KLHL1: variants seen among roughly 807,000 people sequenced by gnomAD.
KLHL1 encodes kelch-like protein 1.
A neutral mutation model predicts 77.7 loss-of-function variants in KLHL1; 47 were observed. That is an observed-to-expected ratio of 0.60 (90% confidence interval 0.48 to 0.77). The LOEUF (loss-of-function observed/expected upper bound fraction) is 0.77. KLHL1 is among the 30% of genes least tolerant of loss of function. KLHL1 has a pLI of 0.00. For synonymous variants in KLHL1, 360 were observed against 325.2 expected (o/e 1.11, Z -1.15); for missense variants, 925 against 910.8 (o/e 1.02, Z -0.20).
chr13:69,726,481 A>G (rs1296517108), intron 8 of KLHL1, among the ~76,000 whole-genome samples: 7 of 152,090 alleles, frequency 4.6e-5, no homozygotes. Context: ...CTAAGCTACA[A>G]CAATACATTG....
At chr13:70,103,173 G>T (rs1470002434) in intron 1 of KLHL1, among the ~76,000 whole-genome samples, 1 of 152,174 alleles carries the variant, frequency 6.6e-6, no homozygotes, top group Non-Finnish European at 1.5e-5. Flanking sequence ...CAGGAAGGGA[G>T]CAGTTAAGGA....
chr13:69,734,033 A>C (rs1285015362), intron 8 of KLHL1, among the ~76,000 whole-genome samples: 1 of 152,070 alleles, frequency 6.6e-6, no homozygotes, highest in Admixed American at 6.6e-5. Context: ...GTGTGTCTCC[A>C]CCCAAATCTC....
intron 4 of KLHL1, among the ~76,000 whole-genome samples, chr13:69,884,753 C>T (rs1881132535): frequency 6.6e-6 from 1 of 152,004 alleles, no homozygotes; most frequent in Non-Finnish European, 1.5e-5. Flanking sequence ...AATTGGTTTG[C>T]TTTTATCATG....
At chr13:69,876,837 A>G (rs1206994822) in intron 5 of KLHL1, among the ~76,000 whole-genome samples, 3 of 152,168 alleles carry the variant, frequency 2.0e-5, no homozygotes, top group Non-Finnish European at 2.9e-5. Context: ...CAGGAGTTCA[A>G]GACTAGCCTG....
intron 1 of KLHL1, among the ~76,000 whole-genome samples, chr13:70,105,646 AAG>A (rs1273949245): frequency 1.3e-5 from 2 of 151,278 alleles, no homozygotes; most frequent in Non-Finnish European, 3.0e-5. Flanking sequence ...TCCTCCCAAA[AAG>A]TGTTTATATT....
At chr13:70,008,589 T>C (rs1187690923) in intron 1 of KLHL1, among the ~76,000 whole-genome samples, 1 of 152,106 alleles carries the variant, frequency 6.6e-6, no homozygotes, top group Non-Finnish European at 1.5e-5. Flanking sequence ...ATCTCTCCTA[T>C]ATTTCCTATA....
chr13:69,849,956 G>A (rs1879619174), intron 5 of KLHL1, among the ~76,000 whole-genome samples: 1 of 151,380 alleles, frequency 6.6e-6, no homozygotes, highest in Non-Finnish European at 1.5e-5. Flanking sequence ...AATTATAAAT[G>A]TTTATGTCTA....
chr13:69,898,268 G>A (rs573630100), intron 4 of KLHL1, among the ~76,000 whole-genome samples: 1 of 152,288 alleles, frequency 6.6e-6, no homozygotes, highest in East Asian at 1.9e-4. Context: ...GAAATGTAGA[G>A]CCCTGCAAAC....
At chr13:69,710,621 C>T (rs2137878757) in intron 9 of KLHL1, among the ~76,000 whole-genome samples, 1 of 152,144 alleles carries the variant, frequency 6.6e-6, no homozygotes, top group Admixed American at 6.6e-5. Flanking sequence ...TTCAGGAACT[C>T]AGGGATTCAC....
At chr13:69,789,428 A>T (rs1161186903) in intron 7 of KLHL1, among the ~76,000 whole-genome samples, 1 of 152,132 alleles carries the variant, frequency 6.6e-6, no homozygotes, top group Non-Finnish European at 1.5e-5. Flanking sequence ...GAGTCGAGGA[A>T]TCTGAGATTA....
chr13:69,899,311 G>A (rs1881771868), intron 4 of KLHL1, among the ~76,000 whole-genome samples: 1 of 152,148 alleles, frequency 6.6e-6, no homozygotes, highest in South Asian at 2.1e-4. Flanking sequence ...AAATCAGTTA[G>A]TTCTGGAAGT....
In KLHL1 at chr13:70,060,705, G is replaced by A. The variant is rs146420522; in HGVS notation, c.497+46498C>T. On this transcript the variant is annotated intron_variant, in intron 1 of 10. Coordinates refer to ENST00000377844, the MANE Select transcript of KLHL1 (RefSeq NM_020866.3). ...ACCACAGATACAAAAAATTAGCTGG[G>A]CATGGTGGTATGCGCCTGTAATCCC... is the stretch of plus-strand genomic sequence containing the variant. Among the ~76,000 whole-genome samples, 732 of 152,182 alleles carry A rather than the reference G, an allele frequency of 4.8e-3. 2 individuals are homozygous for A. Among genetic ancestry groups the A allele is most frequent in the African/African-American group, 0.017 (705 of 41,538 alleles).
At chr13:69,969,404 A>G (rs181281683) in intron 2 of KLHL1, among the ~76,000 whole-genome samples, 40 of 152,248 alleles carry the variant, frequency 2.6e-4, no homozygotes, top group Middle Eastern at 3.4e-3. Flanking sequence ...AATATTTATT[A>G]CATACCAATT....
intron 7 of KLHL1, among the ~76,000 whole-genome samples, chr13:69,769,247 G>A (rs1469539191): frequency 6.6e-6 from 1 of 152,214 alleles, no homozygotes; most frequent in African/African-American, 2.4e-5. Context: ...AAAGAAGGGT[G>A]AGTCTGGGTA....
At chr13:69,942,478 T>A (rs568764406) in intron 3 of KLHL1, among the ~76,000 whole-genome samples, 17 of 152,262 alleles carry the variant, frequency 1.1e-4, no homozygotes, top group African/African-American at 4.1e-4. Context: ...TGAATAGTTT[T>A]ATGACATAAT....
At chr13:70,103,238 G>A (rs796324780) in intron 1 of KLHL1, among the ~76,000 whole-genome samples, 14 of 152,240 alleles carry the variant, frequency 9.2e-5, no homozygotes, top group African/African-American at 3.1e-4. Flanking sequence ...CAGAGGCAGT[G>A]AAAAATTATA....
chr13:69,710,704 C>T (rs959167705), intron 9 of KLHL1, among the ~76,000 whole-genome samples: 1 of 152,104 alleles, frequency 6.6e-6, no homozygotes, highest in African/African-American at 2.4e-5. Flanking sequence ...TAAGCATTGT[C>T]CAAACATTCA....
At chr13:69,947,691 A>C (rs1316871405) in intron 3 of KLHL1, among the ~76,000 whole-genome samples, 6 of 152,126 alleles carry the variant, frequency 3.9e-5, no homozygotes, top group Admixed American at 3.9e-4. Context: ...TAAAACTTGG[A>C]CTATATCCAA....
chr13:70,093,211 G>C lies in KLHL1; in HGVS notation c.497+13992C>G, dbSNP rs372987360. On this transcript the variant is annotated intron_variant, in intron 1 of 10. Transcript: ENST00000377844. ...GAGGACAAGGGAAGAGAGAAAAGGG[G>C]AAGGCAATAAAGGCAAGATGAAGTG... is the stretch of plus-strand genomic sequence containing the variant. 7.4e-4 allele frequency among the ~76,000 whole-genome samples: 113 copies of C among 152,268 alleles called. 2 individuals carry two copies. In the South Asian group the frequency reaches 0.023, roughly 31 times the overall value.
Sources: gnomAD v4.1 joint callset for allele counts (sites outside exome capture counted in the v4.1 genomes callset) on GRCh38, gnomAD v4.1.1 for gene constraint, MANE v1.5 for transcripts, NCBI Gene and HGNC (gene_info 2026-07-23, HGNC 2026-07-21) for gene names.